The following PARP8 variants were observed in gnomAD, a reference collection of about 807,000 sequenced individuals.
The protein encoded by PARP8 is protein mono-ADP-ribosyltransferase PARP8.
A neutral mutation model predicts 124.1 loss-of-function variants in PARP8; 51 were observed. That is an observed-to-expected ratio of 0.41 (90% CI 0.33 to 0.52). The LOEUF is 0.52. Among genes scored for constraint, PARP8 ranks in the 20% least tolerant of loss-of-function variants. The probability of loss-of-function intolerance (pLI) is 0.21; values close to 1 mark genes in which losing one functional copy is unlikely to be tolerated. For synonymous variants in PARP8, 391 were observed against 361.5 expected, an observed-to-expected ratio of 1.08 and a Z score of -0.93; for missense variants, 860 against 1,018.9, an observed-to-expected ratio of 0.84 and a Z score of 2.12.
chr5:50,808,778 C>T (rs780893552), intron 14 of PARP8, among the ~76,000 whole-genome samples: 1 of 151,874 alleles, frequency 6.6e-6, no homozygotes, highest in Non-Finnish European at 1.5e-5. Flanking sequence ...AAAGACATTC[C>T]CATGAAAATT....
At chr5:50,810,022 A>T (rs1744262498) in intron 14 of PARP8, among the ~76,000 whole-genome samples, 1 of 152,020 alleles carries the variant, frequency 6.6e-6, no homozygotes, top group Non-Finnish European at 1.5e-5. Context: ...GTTTTTGTTG[A>T]TCACATTTAA....
chr5:50,768,003 A>G (rs1761219797), intron 7 of PARP8, among the ~76,000 whole-genome samples: 2 of 150,524 alleles, frequency 1.3e-5, no homozygotes, highest in Admixed American at 6.7e-5. Context: ...GTATGTGTAT[A>G]TACATATATG....
intron 2 of PARP8, among the ~76,000 whole-genome samples, chr5:50,689,391 C>T (rs1752251983): frequency 6.6e-6 from 1 of 152,220 alleles, no homozygotes; most frequent in Admixed American, 6.5e-5. Context: ...TATCCATCTT[C>T]AGCTGGTTGA....
rs1225272254 is a variant in PARP8, at chr5:50,696,268, A to AT, written c.146+28146dup. On this transcript the variant is annotated intron_variant, in intron 2 of 25. Coordinates refer to ENST00000281631, the MANE Select transcript of PARP8 (RefSeq NM_024615.4). ...CAAAAAGAAAATACATTAAATCAGA[A>AT]TTTATTTAATCTTTACCTAGGTGAA... Among the ~76,000 whole-genome samples, 10 of 152,326 alleles carry AT rather than the reference A, an allele frequency of 6.6e-5. 1 individual carries two copies. Among genetic ancestry groups the AT allele is most frequent in the Middle Eastern group, 6.8e-3 (2 of 294 alleles).
chr5:50,769,428 G>A (rs141207803), intron 7 of PARP8, among the ~76,000 whole-genome samples: 5 of 151,898 alleles, frequency 3.3e-5, no homozygotes, highest in Non-Finnish European at 7.4e-5. Context: ...TGTAGGAAAA[G>A]GTCATTGTGA....
At chr5:50,668,379 C>T (rs563467720) in intron 2 of PARP8, 15 of 521,280 alleles carry the variant, frequency 2.9e-5, no homozygotes, top group African/African-American at 2.7e-4. Flanking sequence ...TGTTCTGCTA[C>T]AGTACTAGAT....
intron 2 of PARP8, among the ~76,000 whole-genome samples, chr5:50,670,115 A>G (rs958338097): frequency 2.0e-5 from 3 of 152,256 alleles, no homozygotes; most frequent in Admixed American, 2.0e-4. Context: ...CCGACATTAT[A>G]AACCAATATT....
intron 7 of PARP8, among the ~76,000 whole-genome samples, chr5:50,769,429 G>A (rs1476816383): frequency 6.6e-6 from 1 of 151,972 alleles, no homozygotes; most frequent in Non-Finnish European, 1.5e-5. Flanking sequence ...GTAGGAAAAG[G>A]TCATTGTGAT....
At position 50,747,281 on chromosome 5, in the gene PARP8, G is replaced by A. The variant is rs147913723; in HGVS notation, c.147-2870G>A. Among the ~76,000 whole-genome samples the A allele has an allele frequency of 2.3e-3, 350 of 150,626 alleles. 1 individual carries two copies. The highest frequency in any genetic ancestry group is 8.0e-3 in the African/African-American group (330 of 41,052). On this transcript the variant is annotated intron_variant, in intron 2 of 25. Coordinates refer to ENST00000281631, the MANE Select transcript of PARP8 (RefSeq NM_024615.4). The stretch of plus-strand genomic sequence containing the variant: ...AGGACTTAAGACTCAAATGTCATAA[G>A]GGCAAGATGAGCCAGGGAACCCAGG...
At chr5:50,728,959 A>G (rs563762208) in intron 2 of PARP8, among the ~76,000 whole-genome samples, 2 of 152,152 alleles carry the variant, frequency 1.3e-5, no homozygotes, top group African/African-American at 4.8e-5. Context: ...GCAACTTATT[A>G]TCTAATTTTT....
In PARP8 at chr5:50,842,108, C is replaced by A; in HGVS notation, c.*40C>A. ...ATTAACATGATTCGAAAGCCTTCCTCGGGTTCAAAGCTGGATTTTGAACTG... is the reference window on the plus strand; with the variant it reads ...ATTAACATGATTCGAAAGCCTTCCTAGGGTTCAAAGCTGGATTTTGAACTG... On this transcript the variant is annotated 3_prime_UTR_variant, in exon 26 of 26. Transcript: ENST00000281631. 7.1e-7 allele frequency: 1 copy of A among 1,410,238 alleles called. No homozygotes were observed. The highest frequency in any genetic ancestry group is 9.9e-7 in the Non-Finnish European group (1 of 1,009,736). 87.4% of individuals were successfully genotyped at this position (1,410,238 alleles called of 1,614,324 possible). A position where few individuals can be genotyped will look rare whatever the true frequency, so the allele number is the denominator to read the frequency against.
At chr5:50,750,054 ACTGAATGGGTAACATGGGT>A in intron 2 of PARP8, 78 bp from the exon 3 acceptor site, 1 of 932,946 alleles carries the variant, frequency 1.1e-6, no homozygotes, top group Non-Finnish European at 1.7e-6. Context: ...CATCTTTATA[ACTGAATGGGTAACATGGGT>A]TTGGTTTGTC....
At chr5:50,767,323 T>C (rs1343663954) in intron 7 of PARP8, among the ~76,000 whole-genome samples, 5 of 152,188 alleles carry the variant, frequency 3.3e-5, no homozygotes, top group African/African-American at 9.7e-5. Context: ...TTTTGTAATC[T>C]CCTTTCTAGC....
intron 7 of PARP8, among the ~76,000 whole-genome samples, chr5:50,773,436 C>A (rs1212669987): frequency 2.0e-5 from 3 of 152,190 alleles, no homozygotes; most frequent in Admixed American, 6.5e-5. Flanking sequence ...ACTGCTCTTT[C>A]CTCAAGGTGT....
At chr5:50,838,707 C>T (rs1216933899) in intron 25 of PARP8, among the ~76,000 whole-genome samples, 8 of 152,032 alleles carry the variant, frequency 5.3e-5, no homozygotes, top group Non-Finnish European at 1.0e-4. Context: ...TATAGAGTCG[C>T]TTCTACCTTA....
At chr5:50,818,392 C>T (rs924361883) in intron 15 of PARP8, among the ~76,000 whole-genome samples, 9 of 152,096 alleles carry the variant, frequency 5.9e-5, no homozygotes, top group Non-Finnish European at 1.2e-4. Context: ...CTGCACCCAG[C>T]TAATTTTTGT....
chr5:50,738,218 G>C (rs1424757053), intron 2 of PARP8, among the ~76,000 whole-genome samples: 2 of 152,184 alleles, frequency 1.3e-5, no homozygotes, highest in African/African-American at 2.4e-5. Context: ...GTGAAGGCCT[G>C]AAATAGCATG....
intron 2 of PARP8, among the ~76,000 whole-genome samples, chr5:50,714,857 C>A (rs1755138998): frequency 6.6e-6 from 1 of 152,068 alleles, no homozygotes; most frequent in Non-Finnish European, 1.5e-5. Context: ...CTTCTGTTAT[C>A]CTTAGCTGTC....
chr5:50,766,523 T>G (rs567674804), intron 7 of PARP8, among the ~76,000 whole-genome samples: 34 of 152,352 alleles, frequency 2.2e-4, no homozygotes, highest in African/African-American at 8.2e-4. Context: ...TTGTGAAATT[T>G]AAAACTTCCA....
Sources: gnomAD v4.1 joint callset for allele counts (sites outside exome capture counted in the v4.1 genomes callset) on GRCh38, gnomAD v4.1.1 for gene constraint, MANE v1.5 for transcripts, NCBI Gene and HGNC (gene_info 2026-07-23, HGNC 2026-07-21) for gene names.